Variants in KIAA1958 observed in about 807,000 individuals in gnomAD.
The protein encoded by KIAA1958 is uncharacterized protein KIAA1958.
In KIAA1958, 14 loss-of-function variants were observed where a neutral mutation model predicts 47.2. The ratio of observed to expected loss-of-function variants is 0.30; its 90% CI spans 0.20 to 0.46. The LOEUF is 0.46. Ranked by LOEUF, KIAA1958 falls within the 20% of genes least tolerant of loss-of-function variation. KIAA1958 has a pLI of 1.00. For missense variants in KIAA1958, 803 were observed against 909.2 expected, an observed-to-expected ratio of 0.88 and a Z score of 1.50; for synonymous variants, 354 against 353.3, an observed-to-expected ratio of 1.00 and a Z score of -0.02.
chr9:112,550,326 C>T (rs1450072748), intron 1 of KIAA1958, among the ~76,000 whole-genome samples: 1 of 152,180 alleles, frequency 6.6e-6, no homozygotes, highest in Non-Finnish European at 1.5e-5. Context: ...GTGAGGATCA[C>T]TGATGAATCT....
chr9:112,509,118 T>C (rs1834281394), intron 1 of KIAA1958, among the ~76,000 whole-genome samples: 1 of 151,794 alleles, frequency 6.6e-6, no homozygotes. Flanking sequence ...GAATAGTGTA[T>C]GGAGAAAGCT....
At chr9:112,563,299 C>T (rs1171203363) in intron 1 of KIAA1958, among the ~76,000 whole-genome samples, 2 of 151,978 alleles carry the variant, frequency 1.3e-5, no homozygotes, top group East Asian at 1.9e-4. Context: ...TTGCATCAAA[C>T]CTATAGATAA....
At chr9:112,619,947 T>G (rs1443956265) in intron 2 of KIAA1958, among the ~76,000 whole-genome samples, 1 of 152,168 alleles carries the variant, frequency 6.6e-6, no homozygotes, top group African/African-American at 2.4e-5. Context: ...GAGGCAAGGG[T>G]GTGTATTCGA....
At chr9:112,576,027 A>G (rs1012407571) in intron 2 of KIAA1958, among the ~76,000 whole-genome samples, 1 of 152,214 alleles carries the variant, frequency 6.6e-6, no homozygotes, top group Non-Finnish European at 1.5e-5. Flanking sequence ...GTGGACAAGG[A>G]TGAACAAATG....
chr9:112,570,999 GA>G (rs1413541384), intron 1 of KIAA1958, among the ~76,000 whole-genome samples: 1 of 152,202 alleles, frequency 6.6e-6, no homozygotes, highest in Non-Finnish European at 1.5e-5. Flanking sequence ...CAGCGAAAAA[GA>G]AGCCTATGCT....
chr9:112,531,170 C>T (rs915754166), intron 1 of KIAA1958, among the ~76,000 whole-genome samples: 4 of 152,200 alleles, frequency 2.6e-5, no homozygotes, highest in Admixed American at 2.6e-4. Flanking sequence ...AGGCGTATCA[C>T]CTGAGGTTGG....
chr9:112,571,052 G>T lies in KIAA1958; in HGVS notation c.-24-3005G>T, dbSNP rs561582971. On this transcript the variant is annotated intron_variant, in intron 1 of 3. Transcript: ENST00000337530. ...ACAATTCACCTTCTGTATTTGTTCT[G>T]TCTGGGGCCCCAGCTGATTAGATGG... Among the ~76,000 whole-genome samples, 8 of 152,292 alleles carry T rather than the reference G, an allele frequency of 5.3e-5. No homozygotes were observed. The South Asian group carries it at 1.0e-3, about 20-fold the overall frequency.
intron 1 of KIAA1958, among the ~76,000 whole-genome samples, chr9:112,490,651 T>G (rs1002938702): frequency 1.3e-5 from 2 of 152,196 alleles, no homozygotes; most frequent in Non-Finnish European, 2.9e-5. Context: ...AAATGCAAAT[T>G]TTTGAATTTT....
intron 2 of KIAA1958, among the ~76,000 whole-genome samples, chr9:112,643,823 G>A (rs115137763): frequency 1.8e-3 from 277 of 152,184 alleles, no homozygotes; most frequent in African/African-American, 6.0e-3. Context: ...TGAGTGTGAG[G>A]AAAGGTTATG....
intron 2 of KIAA1958, among the ~76,000 whole-genome samples, chr9:112,581,622 C>G (rs1033842192): frequency 3.3e-5 from 5 of 152,170 alleles, no homozygotes; most frequent in African/African-American, 1.2e-4. Flanking sequence ...CCTCACTCAT[C>G]CAGGAAGTGA....
intron 3 of KIAA1958, among the ~76,000 whole-genome samples, chr9:112,647,470 A>G (rs1836995263): frequency 6.6e-6 from 1 of 152,152 alleles, no homozygotes. Context: ...CAAAAAACAA[A>G]CAAACAAAAA....
intron 1 of KIAA1958, among the ~76,000 whole-genome samples, chr9:112,553,544 A>C (rs1206511491): frequency 6.6e-6 from 1 of 152,106 alleles, no homozygotes. Context: ...TTATCTGTAA[A>C]ATGGAGATAA....
chr9:112,591,981 C>A (rs1344664708), intron 2 of KIAA1958, among the ~76,000 whole-genome samples: 1 of 152,132 alleles, frequency 6.6e-6, no homozygotes, highest in Non-Finnish European at 1.5e-5. Context: ...ACGCACGTGG[C>A]CCTTGCTGCT....
intron 2 of KIAA1958, among the ~76,000 whole-genome samples, chr9:112,598,936 G>T (rs1784459486): frequency 6.6e-6 from 1 of 151,978 alleles, no homozygotes; most frequent in Non-Finnish European, 1.5e-5. Flanking sequence ...TCAAAAATTC[G>T]CTGGGTGCAG....
chr9:112,595,839 G>A (rs1346690543), intron 2 of KIAA1958, among the ~76,000 whole-genome samples: 3 of 151,530 alleles, frequency 2.0e-5, no homozygotes, highest in African/African-American at 7.3e-5. Context: ...AGGCTGGAGT[G>A]CAATGGTGCG....
At chr9:112,494,549 G>A (rs983532040) in intron 1 of KIAA1958, among the ~76,000 whole-genome samples, 1 of 151,460 alleles carries the variant, frequency 6.6e-6, no homozygotes, top group African/African-American at 2.4e-5. Context: ...GTTTACAGCA[G>A]TGTCAACGTC....
chr9:112,613,125 A>G (rs1836355061), intron 2 of KIAA1958, among the ~76,000 whole-genome samples: 1 of 152,134 alleles, frequency 6.6e-6, no homozygotes, highest in Non-Finnish European at 1.5e-5. Flanking sequence ...GAAGAGGGAA[A>G]CTTGGTAACA....
At chr9:112,589,057 G>T (rs1835875808) in intron 2 of KIAA1958, among the ~76,000 whole-genome samples, 1 of 152,144 alleles carries the variant, frequency 6.6e-6, no homozygotes, top group African/African-American at 2.4e-5. Flanking sequence ...TAGGTTTACA[G>T]GCGTGAGCCA....
chr9:112,545,292 C>T (rs891559824), intron 1 of KIAA1958, among the ~76,000 whole-genome samples: 2 of 152,124 alleles, frequency 1.3e-5, no homozygotes, highest in African/African-American at 4.8e-5. Context: ...TCATTGATGT[C>T]TTTTACTGTT....
Sources: gnomAD v4.1 joint callset for allele counts (sites outside exome capture counted in the v4.1 genomes callset) on GRCh38, gnomAD v4.1.1 for gene constraint, MANE v1.5 for transcripts, NCBI Gene and HGNC (gene_info 2026-07-23, HGNC 2026-07-21) for gene names.